RBFOX1: variants seen among roughly 807,000 people sequenced by gnomAD.
RBFOX1 encodes the protein RNA binding protein fox-1 homolog 1.
A neutral mutation model predicts 57.7 loss-of-function variants in RBFOX1; 8 were observed. The observed-to-expected ratio is 0.14, with a 90% confidence interval of 0.08 to 0.25. The LOEUF is 0.25. Ranked by LOEUF, RBFOX1 falls within the 10% of genes least tolerant of loss-of-function variation. RBFOX1 has a pLI of 1.00. For missense variants in RBFOX1, 611 were observed against 548.5 expected (o/e 1.11, Z -1.14); for synonymous variants, 326 against 222.4 (o/e 1.47, Z -4.15).
chr16:5,320,110 A>T (rs1391540223), intron 1 of RBFOX1, among the ~76,000 whole-genome samples: 1 of 152,196 alleles, frequency 6.6e-6, no homozygotes, highest in Non-Finnish European at 1.5e-5. Context: ...ATAGGTGTGC[A>T]CAGGTCCAAT....
chr16:5,540,889 G>A (rs974533706), intron 2 of RBFOX1, among the ~76,000 whole-genome samples: 9 of 152,042 alleles, frequency 5.9e-5, no homozygotes, highest in Admixed American at 3.9e-4. Context: ...TTGCTCTGTC[G>A]CCCAGGCTGG....
In RBFOX1 at chr16:5,470,061, T is replaced by C. The variant is rs71390663; in HGVS notation, c.258+2807T>C. Among the ~76,000 whole-genome samples the C allele has an allele frequency of 1.9e-3, 296 of 152,348 alleles. 5 individuals carry two copies. Among genetic ancestry groups the C allele is most frequent in the Non-Finnish European group, 1.5e-4 (10 of 68,032 alleles). ...ATATGGTAATTCTGTGTTTAACTTA[T>C]TGAGGAGGTGCCAGGCTGTCACCAT... On this transcript the variant is annotated intron_variant, in intron 2 of 2. Coordinates refer to the RBFOX1 transcript ENST00000585867.
intron 1 of RBFOX1, among the ~76,000 whole-genome samples, chr16:5,418,164 C>T (rs1168811213): frequency 3.3e-5 from 5 of 152,190 alleles, no homozygotes; most frequent in African/African-American, 1.2e-4. Context: ...GCATTAAAAC[C>T]TTTTCTTATG....
At chr16:6,981,153 G>A (rs1392660239) in intron 3 of RBFOX1, among the ~76,000 whole-genome samples, 2 of 150,494 alleles carry the variant, frequency 1.3e-5, no homozygotes, top group Non-Finnish European at 2.9e-5. Flanking sequence ...AGGTACACTT[G>A]CAGGTTTGTT....
chr16:6,994,309 C>T (rs1272086915), intron 3 of RBFOX1, among the ~76,000 whole-genome samples: 2 of 152,154 alleles, frequency 1.3e-5, no homozygotes, highest in Admixed American at 6.6e-5. Flanking sequence ...ATCTTAAATG[C>T]AGGGTTGGAT....
chr16:5,930,772 G>C (rs1274270647), intron 4 of RBFOX1, among the ~76,000 whole-genome samples: 3 of 127,806 alleles, frequency 2.3e-5, no homozygotes, highest in African/African-American at 9.1e-5. Flanking sequence ...ATGGATGCAT[G>C]GTTGGGTGGG....
chr16:6,288,524 T>A (rs1285614128), intron 1 of RBFOX1, among the ~76,000 whole-genome samples: 1 of 152,190 alleles, frequency 6.6e-6, no homozygotes, highest in Non-Finnish European at 1.5e-5. Flanking sequence ...ACAAACCACA[T>A]ACATGTCCTA....
chr16:5,931,601 G>A (rs529976756), intron 4 of RBFOX1, among the ~76,000 whole-genome samples: 1 of 152,296 alleles, frequency 6.6e-6, no homozygotes, highest in East Asian at 1.9e-4. Flanking sequence ...AGACGTTACA[G>A]ACCTGAGATC....
chr16:6,807,976 G>T (rs1232405599), intron 3 of RBFOX1, among the ~76,000 whole-genome samples: 2 of 147,328 alleles, frequency 1.4e-5, no homozygotes, highest in African/African-American at 5.1e-5. Context: ...TATGCGTATT[G>T]TACCCTGTAT....
chr16:6,932,295 C>G (rs1003246475), intron 3 of RBFOX1, among the ~76,000 whole-genome samples: 1 of 151,988 alleles, frequency 6.6e-6, no homozygotes. Flanking sequence ...TCAGTAGAGA[C>G]GGGGTTTCAC....
intron 3 of RBFOX1, among the ~76,000 whole-genome samples, chr16:5,804,420 A>G (rs1416536205): frequency 1.3e-5 from 2 of 152,250 alleles, no homozygotes; most frequent in Admixed American, 6.5e-5. Context: ...TTAGTGAAAT[A>G]TCAAAAGAAA....
intron 2 of RBFOX1, among the ~76,000 whole-genome samples, chr16:5,482,844 G>T (rs1567147406): frequency 6.6e-6 from 1 of 152,106 alleles, no homozygotes. Context: ...ATAAAATGGG[G>T]CATTCATTTC....
At chr16:5,634,527 G>A (rs1395803216) in intron 3 of RBFOX1, among the ~76,000 whole-genome samples, 5 of 152,150 alleles carry the variant, frequency 3.3e-5, no homozygotes, top group Non-Finnish European at 7.4e-5. Context: ...ATACCTAAGT[G>A]TGATTAAGGA....
chr16:6,934,602 A>T (rs748208816), intron 3 of RBFOX1, among the ~76,000 whole-genome samples: 4 of 152,220 alleles, frequency 2.6e-5, no homozygotes, highest in Non-Finnish European at 5.9e-5. Flanking sequence ...AGCAGCACAG[A>T]TGGAACTGGA....
intron 2 of RBFOX1, among the ~76,000 whole-genome samples, chr16:5,471,615 G>T (rs924634821): frequency 5.9e-5 from 9 of 152,106 alleles, no homozygotes; most frequent in African/African-American, 2.2e-4. Flanking sequence ...GCAGTTACAT[G>T]GTCTGCCTGG....
intron 4 of RBFOX1, among the ~76,000 whole-genome samples, chr16:6,012,270 A>G (rs2094965824): frequency 6.6e-6 from 1 of 152,222 alleles, no homozygotes; most frequent in Admixed American, 6.5e-5. Context: ...GAGAATCTGA[A>G]TGGAGGTATA....
chr16:6,929,820 T>C (rs1416163522), intron 3 of RBFOX1, among the ~76,000 whole-genome samples: 2 of 152,208 alleles, frequency 1.3e-5, no homozygotes, highest in African/African-American at 4.8e-5. Flanking sequence ...TCATGCTGTT[T>C]TAATTCAAAT....
At chr16:6,621,418 T>G (rs12709154) in intron 2 of RBFOX1, among the ~76,000 whole-genome samples, 1 of 152,038 alleles carries the variant, frequency 6.6e-6, no homozygotes. Flanking sequence ...GAACCAAGAT[T>G]GCGCCACTGC....
Position 7,352,835 on chromosome 16 carries a change from C to T in RBFOX1, c.28-165312C>T, listed in dbSNP as rs572001742. Among the ~76,000 whole-genome samples, 4 of 152,256 alleles carry T rather than the reference C, an allele frequency of 2.6e-5. No homozygotes were observed. In the Middle Eastern group the frequency reaches 0.01, roughly 388 times the overall value. On this transcript the variant is annotated intron_variant, in intron 4 of 15. Coordinates refer to ENST00000550418, the MANE Select transcript of RBFOX1 (RefSeq NM_018723.4). ...GGTTCAGGTGATCCTCCCACCTCAA[C>T]CTCCCAAGTAGCTGGGACTACAGGA... is the stretch of plus-strand genomic sequence containing the variant.
Sources: allele counts gnomAD v4.1 joint callset (sites outside exome capture counted in the v4.1 genomes callset), GRCh38; gene constraint gnomAD v4.1.1; transcripts MANE v1.5; gene names NCBI Gene and HGNC (gene_info 2026-07-23, HGNC 2026-07-21).